The following PLXNA4 variants were observed in gnomAD, a reference collection of about 807,000 sequenced individuals.
The protein encoded by PLXNA4 is plexin A4.
In PLXNA4, 44 loss-of-function variants were observed where a neutral mutation model predicts 191.8. The ratio of observed to expected loss-of-function variants is 0.23; its 90% confidence interval spans 0.18 to 0.29. The LOEUF (loss-of-function observed/expected upper bound fraction) is 0.29, where lower values mean the gene tolerates loss of function less well. Among genes scored for constraint, PLXNA4 ranks in the 10% least tolerant of loss-of-function variants. The probability of loss-of-function intolerance (pLI) is 1.00; values close to 1 mark genes in which losing one functional copy is unlikely to be tolerated. For missense variants in PLXNA4, 1,800 were observed against 2,488.8 expected, an observed-to-expected ratio of 0.72 and a Z score of 5.89; for synonymous variants, 1,082 against 1,009.5, an observed-to-expected ratio of 1.07 and a Z score of -1.36.
intron 4 of PLXNA4, among the ~76,000 whole-genome samples, chr7:132,253,327 C>T (rs1413775415): frequency 6.6e-6 from 1 of 151,236 alleles, no homozygotes; most frequent in African/African-American, 2.4e-5. Flanking sequence ...CTTCTGCCTC[C>T]TAAGTTCAAG....
chr7:132,558,680 G>A (rs181001092), intron 1 of PLXNA4, among the ~76,000 whole-genome samples: 264 of 152,268 alleles, frequency 1.7e-3, no homozygotes, highest in Non-Finnish European at 3.1e-3. Flanking sequence ...AATCGGCCTG[G>A]GGCCAATGAC....
chr7:132,307,644 G>A (rs1179528612), intron 3 of PLXNA4, among the ~76,000 whole-genome samples: 2 of 152,088 alleles, frequency 1.3e-5, no homozygotes, highest in Non-Finnish European at 2.9e-5. Context: ...GGCCCGCGTG[G>A]CCGGTAGGTG....
chr7:132,385,680 C>A (rs1375207093), intron 3 of PLXNA4, among the ~76,000 whole-genome samples: 1 of 152,216 alleles, frequency 6.6e-6, no homozygotes, highest in Non-Finnish European at 1.5e-5. Flanking sequence ...CCAAGTATCA[C>A]TTTTTATCCA....
At chr7:132,253,225 CTTTT>C (rs1167263529) in intron 4 of PLXNA4, among the ~76,000 whole-genome samples, 1 of 126,726 alleles carries the variant, frequency 7.9e-6, no homozygotes, top group Admixed American at 8.3e-5. Flanking sequence ...TTGAATTTTT[CTTTT>C]TTCTTTTTTT....
chr7:132,516,470 C>T (rs156975), intron 1 of PLXNA4, among the ~76,000 whole-genome samples: 60,084 of 151,872 alleles, frequency 0.4, 12,505 homozygotes, highest in African/African-American at 0.53. Context: ...CCTGGTTGAA[C>T]AGAAGAAGCT....
At chr7:132,388,149 G>T (rs1034110602) in intron 3 of PLXNA4, among the ~76,000 whole-genome samples, 1 of 152,126 alleles carries the variant, frequency 6.6e-6, no homozygotes, top group African/African-American at 2.4e-5. Flanking sequence ...ATTCATAAGA[G>T]ACTTCTATCT....
At chr7:132,633,359 T>C (rs538915477) in intron 2 of PLXNA4, among the ~76,000 whole-genome samples, 2 of 151,596 alleles carry the variant, frequency 1.3e-5, no homozygotes, top group East Asian at 3.9e-4. Flanking sequence ...CTTGGCTCAA[T>C]GCAATCTCCA....
intron 3 of PLXNA4, among the ~76,000 whole-genome samples, chr7:132,428,518 G>A (rs572602315): frequency 2.0e-5 from 3 of 152,340 alleles, no homozygotes; most frequent in East Asian, 3.9e-4. Flanking sequence ...GGTCTCTAGG[G>A]CCCGAGAGCA....
At chr7:132,541,354 CAG>C (rs1440562970) in intron 1 of PLXNA4, among the ~76,000 whole-genome samples, 1 of 152,334 alleles carries the variant, frequency 6.6e-6, no homozygotes, top group East Asian at 1.9e-4. Flanking sequence ...TGAACAAACC[CAG>C]AGAGAGCCGG....
At position 132,157,170 on chromosome 7, in the gene PLXNA4, C is replaced by G. The variant is rs192307160; in HGVS notation, c.4660+2303G>C. ...TTTGGGTGCCTGGAGCTTGAACATT[C>G]ATGGTGAGCACTGGAGACCTGTTTC... On this transcript the variant is annotated intron_variant, in intron 25 of 31. Coordinates refer to ENST00000321063, the MANE Select transcript of PLXNA4 (RefSeq NM_020911.2). Among the ~76,000 whole-genome samples, 410 of 152,326 alleles carry G rather than the reference C, an allele frequency of 2.7e-3. 5 individuals are homozygous for G. The highest frequency in any genetic ancestry group is 9.4e-3 in the African/African-American group (392 of 41,572).
At chr7:132,350,564 C>T (rs1454737652) in intron 3 of PLXNA4, among the ~76,000 whole-genome samples, 2 of 151,978 alleles carry the variant, frequency 1.3e-5, no homozygotes. Context: ...CAGAGAAATG[C>T]AAATCATAGC....
intron 1 of PLXNA4, among the ~76,000 whole-genome samples, chr7:132,569,793 G>A (rs1425914143): frequency 6.6e-6 from 1 of 152,188 alleles, no homozygotes; most frequent in East Asian, 1.9e-4. Flanking sequence ...GGACAGGATA[G>A]GCTCTGAAGA....
intron 3 of PLXNA4, among the ~76,000 whole-genome samples, chr7:132,360,782 T>C (rs1262538563): frequency 1.3e-5 from 2 of 152,200 alleles, no homozygotes; most frequent in Non-Finnish European, 2.9e-5. Context: ...TGCATTGGGC[T>C]GGCTTTAGCA....
chr7:132,545,545 G>A (rs1468277143), intron 1 of PLXNA4, among the ~76,000 whole-genome samples: 1 of 152,184 alleles, frequency 6.6e-6, no homozygotes, highest in Non-Finnish European at 1.5e-5. Context: ...GCCACCCAAA[G>A]GCAGGGCAAT....
intron 1 of PLXNA4, among the ~76,000 whole-genome samples, chr7:132,520,934 G>C (rs1799150859): frequency 6.6e-6 from 1 of 152,086 alleles, no homozygotes; most frequent in African/African-American, 2.4e-5. Flanking sequence ...CCAACATCTA[G>C]TGGGAGTGCC....
rs1328067011 is a variant in PLXNA4, at chr7:132,442,270, C to CA, written c.1371+47021dup. Among the ~76,000 whole-genome samples the CA allele has an allele frequency of 2.0e-5, 3 of 152,240 alleles. No individual in the cohort carries two copies. In the East Asian group the frequency reaches 5.8e-4, roughly 29 times the overall value. ...AGCCTGGATTCTTGTGTCAGGGCCACAGAGGTCCCTGATGCCAAAAGCTGG... is the reference window on the plus strand; with the variant it reads ...AGCCTGGATTCTTGTGTCAGGGCCACAAGAGGTCCCTGATGCCAAAAGCTGG... On this transcript the variant is annotated intron_variant, in intron 3 of 31. Transcript: ENST00000321063.
intron 8 of PLXNA4, among the ~76,000 whole-genome samples, chr7:132,225,779 C>A (rs1047184608): frequency 6.6e-6 from 1 of 152,208 alleles, no homozygotes; most frequent in African/African-American, 2.4e-5. Flanking sequence ...CCCTTCTCTG[C>A]CCATGGAGCT....
intron 3 of PLXNA4, among the ~76,000 whole-genome samples, chr7:132,339,101 C>A (rs1199436208): frequency 6.6e-6 from 1 of 152,206 alleles, no homozygotes; most frequent in African/African-American, 2.4e-5. Flanking sequence ...CACAAGGTCT[C>A]TTCTGGCTCA....
Position 132,298,011 on chromosome 7 carries a change from G to A in PLXNA4, c.1503+80C>T, listed in dbSNP as rs1459649677. The A allele has an allele frequency of 1.9e-6, 3 of 1,547,054 alleles. No homozygotes were observed. In the East Asian group the frequency reaches 6.7e-5, roughly 35 times the overall value. ...TAAATCAAATCACCTCTCTGCAGCT[G>A]GCCTCCTAAGGTTTGTACTGAGCCA... On this transcript the variant is annotated intron_variant, in intron 4 of 31. Transcript: ENST00000321063.
Sources: allele counts gnomAD v4.1 joint callset (sites outside exome capture counted in the v4.1 genomes callset), GRCh38; gene constraint gnomAD v4.1.1; transcripts MANE v1.5; gene names NCBI Gene and HGNC (gene_info 2026-07-23, HGNC 2026-07-21).